Variants in TENM3 observed in about 807,000 individuals in gnomAD.
TENM3 encodes teneurin-3.
A neutral mutation model predicts 255.1 loss-of-function variants in TENM3; 63 were observed. That is an observed-to-expected ratio of 0.25 (90% CI 0.20 to 0.30). The LOEUF (loss-of-function observed/expected upper bound fraction) is 0.30. Ranked by LOEUF, TENM3 falls within the 10% of genes least tolerant of loss-of-function variation. The pLI is 1.00. For missense variants in TENM3, 2,929 were observed against 3,461.1 expected, an observed-to-expected ratio of 0.85 and a Z score of 3.86; for synonymous variants, 1,306 against 1,322.3, an observed-to-expected ratio of 0.99 and a Z score of 0.27.
the TENM3 span, among the ~76,000 whole-genome samples, chr4:181,614,931 A>G: frequency 1.3e-5 from 2 of 152,126 alleles, no homozygotes; most frequent in African/African-American, 2.4e-5. Flanking sequence ...CTGAGGATGG[A>G]CCCAGCTAGC....
At chr4:181,600,109 T>C in the TENM3 span, among the ~76,000 whole-genome samples, 1 of 152,254 alleles carries the variant, frequency 6.6e-6, no homozygotes, top group Non-Finnish European at 1.5e-5. Context: ...GATTTTCTTT[T>C]GTCACCAAAT....
intron 1 of TENM3, among the ~76,000 whole-genome samples, chr4:182,232,158 C>T (rs1351036500): frequency 6.6e-6 from 1 of 152,140 alleles, no homozygotes; most frequent in Non-Finnish European, 1.5e-5. Context: ...ATTCCGGGAA[C>T]TGGCGTCTTC....
chr4:182,117,915 C>T, the TENM3 span, among the ~76,000 whole-genome samples: 1 of 152,152 alleles, frequency 6.6e-6, no homozygotes, highest in African/African-American at 2.4e-5. Flanking sequence ...TTCTTCTCAT[C>T]CATGAGTAAT....
Position 182,320,784 on chromosome 4 carries a change from G to A in TENM3, c.-75-3162G>A, listed in dbSNP as rs115367024. Among the ~76,000 whole-genome samples, 1,456 of 152,186 alleles carry A rather than the reference G, an allele frequency of 9.6e-3. 24 individuals are homozygous for A. The highest frequency in any genetic ancestry group is 0.033 in the African/African-American group (1,375 of 41,526). ...AGGACAATAGGTCAACAAATGCAAG[G>A]GCTGTGTTCCAGAAAAACTTTACTT... On this transcript the variant is annotated intron_variant, in intron 1 of 27. Transcript: ENST00000511685.
the TENM3 span, among the ~76,000 whole-genome samples, chr4:181,698,850 C>A: frequency 6.6e-6 from 1 of 152,004 alleles, no homozygotes; most frequent in South Asian, 2.1e-4. Context: ...ACATTGCTTT[C>A]AAAAAAGCAA....
intron 3 of TENM3, among the ~76,000 whole-genome samples, chr4:182,359,294 G>T (rs1043585387): frequency 3.0e-4 from 45 of 152,260 alleles, no homozygotes; most frequent in African/African-American, 1.0e-3. Context: ...AGAAGGAATG[G>T]TACCAGTTCC....
intron 24 of TENM3, among the ~76,000 whole-genome samples, chr4:182,779,363 C>G (rs1329630316): frequency 1.3e-5 from 2 of 152,128 alleles, no homozygotes; most frequent in Non-Finnish European, 2.9e-5. Context: ...CCAATTTCAT[C>G]CATGTCCCTA....
intron 3 of TENM3, among the ~76,000 whole-genome samples, chr4:182,422,088 T>C (rs1770879192): frequency 6.6e-6 from 1 of 152,254 alleles, no homozygotes; most frequent in South Asian, 2.1e-4. Flanking sequence ...TTTTTTTCTG[T>C]GTTAAAACTA....
chr4:181,637,356 T>C, the TENM3 span, among the ~76,000 whole-genome samples: 1 of 152,168 alleles, frequency 6.6e-6, no homozygotes, highest in African/African-American at 2.4e-5. Flanking sequence ...CCCCAGCAAC[T>C]CCGGGCTGTG....
chr4:182,640,888 G>GT (rs890367415), intron 5 of TENM3, among the ~76,000 whole-genome samples: 4 of 152,168 alleles, frequency 2.6e-5, no homozygotes, highest in Non-Finnish European at 5.9e-5. Context: ...TCATAAGAAC[G>GT]TTTTTCTCCT....
At chr4:181,931,820 TA>T in the TENM3 span, among the ~76,000 whole-genome samples, 1 of 152,018 alleles carries the variant, frequency 6.6e-6, no homozygotes, top group Non-Finnish European at 1.5e-5. Flanking sequence ...AAAACAGATA[TA>T]TAGATCAATG....
intron 1 of TENM3, among the ~76,000 whole-genome samples, chr4:182,157,870 A>G (rs1397996876): frequency 2.0e-5 from 3 of 152,242 alleles, no homozygotes; most frequent in Non-Finnish European, 4.4e-5. Flanking sequence ...CAGGTAGCAC[A>G]GATCAATGAA....
the TENM3 span, among the ~76,000 whole-genome samples, chr4:182,091,653 G>A: frequency 7.9e-5 from 12 of 152,200 alleles, no homozygotes; most frequent in South Asian, 4.1e-4. Flanking sequence ...GAATGTCAAC[G>A]AAGCTTGATG....
the TENM3 span, among the ~76,000 whole-genome samples, chr4:182,052,019 AG>A: frequency 6.6e-6 from 1 of 152,024 alleles, no homozygotes; most frequent in Non-Finnish European, 1.5e-5. Flanking sequence ...CCGCCTGGGG[AG>A]GGGGTATTAC....
chr4:182,548,470 G>T (rs1221306585), intron 3 of TENM3, among the ~76,000 whole-genome samples: 1 of 152,138 alleles, frequency 6.6e-6, no homozygotes, highest in Non-Finnish European at 1.5e-5. Flanking sequence ...AGCAAGGAGT[G>T]CACAGGCCGA....
chr4:181,637,060 C>T, the TENM3 span, among the ~76,000 whole-genome samples: 2 of 152,164 alleles, frequency 1.3e-5, no homozygotes, highest in African/African-American at 4.8e-5. Flanking sequence ...TACCCATATG[C>T]CTTGCTCTCT....
the TENM3 span, among the ~76,000 whole-genome samples, chr4:181,469,580 T>C: frequency 6.6e-6 from 1 of 152,198 alleles, no homozygotes; most frequent in Admixed American, 6.5e-5. Flanking sequence ...TAGTAAGCCA[T>C]AGTTCATGGC....
chr4:182,506,481 G>A (rs1736831869), intron 3 of TENM3, among the ~76,000 whole-genome samples: 1 of 152,110 alleles, frequency 6.6e-6, no homozygotes, highest in Non-Finnish European at 1.5e-5. Context: ...TGCTTAAAAA[G>A]TGTCTTGCTC....
At chr4:181,822,000 A>T in the TENM3 span, among the ~76,000 whole-genome samples, 2 of 152,228 alleles carry the variant, frequency 1.3e-5, no homozygotes, top group Admixed American at 1.3e-4. Context: ...TATTCTATAC[A>T]TTGCATTATA....
Sources: gnomAD v4.1 joint callset for allele counts (sites outside exome capture counted in the v4.1 genomes callset) on GRCh38, gnomAD v4.1.1 for gene constraint, MANE v1.5 for transcripts, NCBI Gene and HGNC (gene_info 2026-07-23, HGNC 2026-07-21) for gene names.